LIMK1: variants seen among roughly 807,000 people sequenced by gnomAD.
The protein encoded by LIMK1 is LIM domain kinase 1.
Under a neutral mutation model 77.6 loss-of-function variants are expected in LIMK1, and 21 were observed. The observed-to-expected ratio is 0.27, with a 90% CI of 0.19 to 0.39. The LOEUF (loss-of-function observed/expected upper bound fraction) is 0.39, where lower values mean the gene tolerates loss of function less well. Among genes scored for constraint, LIMK1 ranks in the 10% least tolerant of loss-of-function variants. LIMK1 has a pLI of 1.00. For missense variants in LIMK1, 696 were observed against 901.6 expected (o/e 0.77, Z 2.92); for synonymous variants, 358 against 370.0 (o/e 0.97, Z 0.37).
chr7:74,111,459 A>G (rs138774515), intron 10 of LIMK1, 189 bp from the exon 11 acceptor site: 5,915 of 591,484 alleles, frequency 0.01, 54 homozygotes, highest in Non-Finnish European at 0.015. Flanking sequence ...AAAAGGAAAT[A>G]ATGTCTGTGA....
chr7:74,086,227 G>A (rs1363792806), intron 2 of LIMK1, among the ~76,000 whole-genome samples: 1 of 151,658 alleles, frequency 6.6e-6, no homozygotes, highest in African/African-American at 2.4e-5. Flanking sequence ...TGTATTTTTA[G>A]TAGAGACGGG....
At chr7:74,097,847 C>T (rs1253382758) in intron 4 of LIMK1, among the ~76,000 whole-genome samples, 2 of 152,236 alleles carry the variant, frequency 1.3e-5, no homozygotes, top group Non-Finnish European at 2.9e-5. Context: ...CCCACTCACA[C>T]TTCTGACCGA....
Position 74,107,905 on chromosome 7 carries a change from T to A in LIMK1, c.1100T>A (p.Met367Lys). ...THRETGEVMVMKELIRFDEET... is the reference protein window; with the variant it reads ...THRETGEVMVKKELIRFDEET... ...CGTGAGACAGGTGAGGTGATGGTGA[T>A]GAAGGAGCTGATCCGGTTCGACGAG... is the stretch of plus-strand genomic sequence containing the variant. Residue 367 changes from methionine to lysine, a missense_variant, in exon 9 of 16, where the codon ATG becomes AAG. Physicochemically the swap from Met to Lys is moderately conservative, Grantham distance 95. Transcript: ENST00000336180. 1 of 1,578,016 alleles carries A rather than the reference T, an allele frequency of 6.3e-7. No individual in the cohort carries two copies. Among genetic ancestry groups the A allele is most frequent in the Non-Finnish European group, 8.6e-7 (1 of 1,161,640 alleles).
At chr7:74,100,882 C>A (rs1325279271) in intron 5 of LIMK1, among the ~76,000 whole-genome samples, 1 of 151,904 alleles carries the variant, frequency 6.6e-6, no homozygotes, top group East Asian at 1.9e-4. Context: ...ACTACAGGCA[C>A]CTGCCACCAT....
At chr7:74,117,555 T>C (rs1799841016) in intron 13 of LIMK1, among the ~76,000 whole-genome samples, 1 of 152,040 alleles carries the variant, frequency 6.6e-6, no homozygotes, top group African/African-American at 2.4e-5. Context: ...ATGCCCAGAT[T>C]ATAGGTTATA....
At position 74,107,002 on chromosome 7, in the gene LIMK1, C is replaced by A; in HGVS notation, c.882-8C>A. On this transcript the variant is annotated splice_polypyrimidine_tract_variant and splice_region_variant and intron_variant, in intron 7 of 15. Coordinates refer to ENST00000336180, the MANE Select transcript of LIMK1 (RefSeq NM_002314.4). Reference sequence around the variant, plus strand: ...CCGGTGGCACTTGGCACCATGTGTGCCCCCCAGGAGGAGCTGCAGCATCGA... The same window carrying A: ...CCGGTGGCACTTGGCACCATGTGTGACCCCCAGGAGGAGCTGCAGCATCGA... 6.4e-7 allele frequency: 1 copy of A among 1,564,396 alleles called. No individual in the cohort carries two copies. The highest frequency in any genetic ancestry group is 8.7e-7 in the Non-Finnish European group (1 of 1,155,612).
intron 2 of LIMK1, 42 bp from the exon 3 acceptor site, chr7:74,096,580 G>A (rs1215556341): frequency 5.0e-6 from 8 of 1,612,342 alleles, no homozygotes; most frequent in Admixed American, 1.7e-5. Flanking sequence ...TGAGGTGGAG[G>A]AGGGCGGGAG....
chr7:74,108,722 G>GGGGGCA (rs1554698078), intron 9 of LIMK1, among the ~76,000 whole-genome samples, 183 bp from the exon 10 acceptor site: 1 of 151,780 alleles, frequency 6.6e-6, no homozygotes, highest in African/African-American at 2.4e-5. Context: ...CGCTGGGGGT[G>GGGGGCA]GGGGCAGCTC....
chr7:74,084,139 GCCCCT>G, intron 1 of LIMK1, 94 bp downstream of exon 1: 2 of 553,386 alleles, frequency 3.6e-6, no homozygotes, highest in Non-Finnish European at 3.0e-6. Context: ...AGGAGGCCGC[GCCCCT>G]GCCTCCTCCG....
chr7:74,093,053 G>C, intron 2 of LIMK1: 3 of 1,245,566 alleles, frequency 2.4e-6, no homozygotes, highest in Non-Finnish European at 3.2e-6. Flanking sequence ...GGGTGCTTCA[G>C]CCACTTCCTG....
intron 8 of LIMK1, 95 bp from the exon 9 acceptor site, chr7:74,107,776 C>T (rs1385960375): frequency 1.2e-5 from 11 of 902,080 alleles, no homozygotes; most frequent in African/African-American, 8.2e-5. Flanking sequence ...GCCATCTGCA[C>T]ATCTCCCTGG....
intron 5 of LIMK1, among the ~76,000 whole-genome samples, chr7:74,102,662 T>C (rs1241096988): frequency 2.0e-5 from 3 of 151,572 alleles, no homozygotes; most frequent in Non-Finnish European, 4.4e-5. Context: ...CATTCTGTTA[T>C]GTAATTATCA....
At chr7:74,084,774 G>T (rs1345347713) in intron 1 of LIMK1, among the ~76,000 whole-genome samples, 1 of 152,136 alleles carries the variant, frequency 6.6e-6, no homozygotes, top group African/African-American at 2.4e-5. Flanking sequence ...GACTCCCCCA[G>T]CCTAGGACAG....
intron 5 of LIMK1, among the ~76,000 whole-genome samples, chr7:74,101,380 G>A (rs1207330732): frequency 6.6e-6 from 1 of 152,210 alleles, no homozygotes; most frequent in African/African-American, 2.4e-5. Flanking sequence ...AGCGGCTCAT[G>A]CCTGTTATCT....
chr7:74,084,010 G>T lies in LIMK1; in HGVS notation c.20G>T (p.Cys7Phe). The T allele has an allele frequency of 3.4e-6, 5 of 1,477,212 alleles. No homozygotes were observed. The highest frequency in any genetic ancestry group is 4.5e-6 in the Non-Finnish European group (5 of 1,106,326). 91.5% of individuals were successfully genotyped at this position (1,477,212 alleles called of 1,614,324 possible). MRLTLLCCTWREERMGE... is the reference protein window; with the variant it reads MRLTLLFCTWREERMGE... ...GAGTGCATGAGGTTGACGCTACTTT[G>T]TTGCACCTGGAGGGAAGAACGTATG... The change falls in exon 1 of 16, where the codon TGT becomes TTT. Residue 7 changes from cysteine to phenylalanine, a missense_variant. By Grantham distance (205) the Cys-to-Phe change is radical. Transcript: ENST00000336180.
At chr7:74,093,083 C>T (rs983153932) in intron 2 of LIMK1, 67 of 1,390,714 alleles carry the variant, frequency 4.8e-5, no homozygotes, top group Non-Finnish European at 6.1e-5. Flanking sequence ...CAGACCAAGT[C>T]CCCTGGCACC....
intron 2 of LIMK1, chr7:74,094,480 G>T (rs1428785621): frequency 6.6e-6 from 1 of 152,184 alleles, no homozygotes; most frequent in Non-Finnish European, 1.5e-5. Context: ...GTATGCGGGG[G>T]CCCTGCTTCC....
At chr7:74,084,548 G>A (rs1051248336) in intron 1 of LIMK1, among the ~76,000 whole-genome samples, 1 of 152,126 alleles carries the variant, frequency 6.6e-6, no homozygotes, top group Admixed American at 6.6e-5. Flanking sequence ...CCCCGGTGTC[G>A]GTGATTGGGG....
intron 1 of LIMK1, 66 bp from the exon 2 acceptor site, chr7:74,085,682 G>A: frequency 1.5e-6 from 2 of 1,314,932 alleles, no homozygotes; most frequent in South Asian, 1.3e-5. Context: ...GGTGGGCAGG[G>A]CAAGCTGGGC....
Sources: gnomAD v4.1 joint callset for allele counts (sites outside exome capture counted in the v4.1 genomes callset) on GRCh38, gnomAD v4.1.1 for gene constraint, MANE v1.5 for transcripts, NCBI Gene and HGNC (gene_info 2026-07-23, HGNC 2026-07-21) for gene names.